Variants in PARN observed in about 807,000 individuals in gnomAD.
The protein encoded by PARN is poly(A)-specific ribonuclease.
A neutral mutation model predicts 102.8 loss-of-function variants in PARN; 71 were observed. That is an observed-to-expected ratio of 0.69 (90% CI 0.57 to 0.84). The LOEUF (loss-of-function observed/expected upper bound fraction) is 0.84, where lower values mean the gene tolerates loss of function less well. Among genes scored for constraint, PARN ranks in the 40% least tolerant of loss-of-function variants. PARN has a pLI of 0.00. For missense variants in PARN, 782 were observed against 760.9 expected (o/e 1.03, Z -0.33); for synonymous variants, 261 against 252.9 (o/e 1.03, Z -0.30).
chr16:14,586,819 C>A (rs1025211472), intron 13 of PARN, among the ~76,000 whole-genome samples: 1 of 152,160 alleles, frequency 6.6e-6, no homozygotes, highest in Non-Finnish European at 1.5e-5. Flanking sequence ...CTAGCTTAGA[C>A]CTTTCCTGAG....
At chr16:14,562,473 A>G (rs1968133285) in intron 18 of PARN, among the ~76,000 whole-genome samples, 1 of 151,508 alleles carries the variant, frequency 6.6e-6, no homozygotes, top group Non-Finnish European at 1.5e-5. Context: ...AAAAAAGAAA[A>G]ACATAAAACT....
At chr16:14,570,355 A>G (rs1968721544) in intron 18 of PARN, among the ~76,000 whole-genome samples, 2 of 150,114 alleles carry the variant, frequency 1.3e-5, no homozygotes, top group East Asian at 1.9e-4. Context: ...AAAAGAAAAG[A>G]AAAAGGAAAG....
intron 6 of PARN, among the ~76,000 whole-genome samples, chr16:14,616,685 G>C (rs1206716273): frequency 6.6e-6 from 1 of 152,004 alleles, no homozygotes; most frequent in South Asian, 2.1e-4. Flanking sequence ...TCAAGGCTCC[G>C]GTGAGCTATG....
intron 21 of PARN, among the ~76,000 whole-genome samples, chr16:14,489,131 C>T (rs995901771): frequency 6.6e-6 from 1 of 151,684 alleles, no homozygotes; most frequent in Non-Finnish European, 1.5e-5. Flanking sequence ...AGAGGGAGAA[C>T]AAAAAATAGC....
chr16:14,620,132 C>T (rs539472583), intron 5 of PARN, among the ~76,000 whole-genome samples: 1 of 148,228 alleles, frequency 6.7e-6, no homozygotes, highest in South Asian at 2.1e-4. Context: ...AATCCCAGCA[C>T]TTTGGGAGGC....
intron 21 of PARN, among the ~76,000 whole-genome samples, chr16:14,549,460 C>T (rs1395528478): frequency 6.6e-6 from 1 of 152,134 alleles, no homozygotes; most frequent in Non-Finnish European, 1.5e-5. Context: ...CAATAGAGTG[C>T]TTCTATGGCT....
At chr16:14,623,836 CAAA>C (rs1245560307) in intron 5 of PARN, among the ~76,000 whole-genome samples, 1 of 108,362 alleles carries the variant, frequency 9.2e-6, no homozygotes, top group Admixed American at 9.9e-5. Flanking sequence ...GGCTCCATCT[CAAA>C]AAAAAAAAAA....
chr16:14,553,562 G>A (rs2151707850), intron 20 of PARN, among the ~76,000 whole-genome samples: 1 of 152,198 alleles, frequency 6.6e-6, no homozygotes, highest in South Asian at 2.1e-4. Flanking sequence ...CAATCAGAAT[G>A]GTCTTCATAA....
intron 21 of PARN, among the ~76,000 whole-genome samples, chr16:14,534,814 T>C (rs1322488618): frequency 6.6e-6 from 1 of 151,794 alleles, no homozygotes; most frequent in Non-Finnish European, 1.5e-5. Context: ...GACTGCATAA[T>C]GTAAAGTTTC....
intron 21 of PARN, among the ~76,000 whole-genome samples, chr16:14,498,452 C>T (rs1964429641): frequency 6.6e-6 from 1 of 152,144 alleles, no homozygotes; most frequent in African/African-American, 2.4e-5. Flanking sequence ...CTGATGGTGC[C>T]AGGATGCTGC....
In PARN at chr16:14,584,421, T is replaced by A. The variant is rs182753748; in HGVS notation, c.1007A>T (p.Asp336Val). Residue 336 changes from aspartate (D) to valine (V), a missense_variant and splice_region_variant, in exon 16 of 24, where the codon GAT (aspartate) becomes GTT (valine). By Grantham distance (152) the Asp-to-Val change is radical. Transcript: ENST00000437198. ...KLMASTQPFK[D>V]IINNTSLAEL... Reference sequence around the variant, plus strand: ...CGCAAGGGATGTGTTGTTAATGATATCCTGCAAACCACGAAGCAAAGAATT... The same window carrying A: ...CGCAAGGGATGTGTTGTTAATGATAACCTGCAAACCACGAAGCAAAGAATT... The A allele has an allele frequency of 1.2e-6, 2 of 1,611,704 alleles. No individual in the cohort carries two copies. The highest frequency in any genetic ancestry group is 1.7e-6 in the Non-Finnish European group (2 of 1,178,248).
intron 21 of PARN, among the ~76,000 whole-genome samples, chr16:14,529,147 C>A (rs948423814): frequency 1.3e-5 from 2 of 152,204 alleles, no homozygotes; most frequent in Non-Finnish European, 2.9e-5. Context: ...CTCTGCCAGG[C>A]TTCTCCAGCT....
intron 11 of PARN, among the ~76,000 whole-genome samples, chr16:14,600,590 A>C (rs2151781069): frequency 6.6e-6 from 1 of 152,212 alleles, no homozygotes; most frequent in Non-Finnish European, 1.5e-5. Flanking sequence ...AGGTGTTCCC[A>C]GCCCTCTGGC....
rs1287757454 is a variant in PARN, at chr16:14,579,831, C to G, written c.1262+1043G>C. On this transcript the variant is annotated intron_variant, in intron 18 of 23. Transcript: ENST00000437198. ...TCTCTACTAAAAATATAAAGATTAG[C>G]CAGGTGTGGTGGTACATGCCTGTAG... Among the ~76,000 whole-genome samples, 3 of 151,908 alleles carry G rather than the reference C, an allele frequency of 2.0e-5. No individual in the cohort carries two copies. In the East Asian group the frequency reaches 5.8e-4, roughly 29 times the overall value.
At chr16:14,476,612 T>C (rs1430725957) in intron 22 of PARN, among the ~76,000 whole-genome samples, 1 of 152,162 alleles carries the variant, frequency 6.6e-6, no homozygotes, top group Non-Finnish European at 1.5e-5. Flanking sequence ...GGAGGATCAC[T>C]TGAAGCAAAG....
chr16:14,469,692 A>T (rs773583153), intron 22 of PARN, among the ~76,000 whole-genome samples: 27 of 148,242 alleles, frequency 1.8e-4, no homozygotes, highest in Admixed American at 8.9e-4. Context: ...CAGAATTTTT[A>T]AAAAGCATAA....
chr16:14,533,791 T>C (rs1056345962), intron 21 of PARN, among the ~76,000 whole-genome samples: 9 of 152,280 alleles, frequency 5.9e-5, no homozygotes, highest in Admixed American at 2.0e-4. Flanking sequence ...CTTCCCTTTA[T>C]CACAACACTC....
intron 21 of PARN, among the ~76,000 whole-genome samples, chr16:14,500,604 A>G (rs1244615622): frequency 1.3e-5 from 2 of 152,100 alleles, no homozygotes; most frequent in Non-Finnish European, 2.9e-5. Flanking sequence ...CTTTCCCTAG[A>G]AAAAAATATT....
intron 18 of PARN, among the ~76,000 whole-genome samples, chr16:14,575,181 A>T (rs1280503797): frequency 6.6e-6 from 1 of 152,222 alleles, no homozygotes; most frequent in Non-Finnish European, 1.5e-5. Flanking sequence ...GTGGGGTCAG[A>T]ACCCCCACAC....
Sources: allele counts gnomAD v4.1 joint callset (sites outside exome capture counted in the v4.1 genomes callset), GRCh38; gene constraint gnomAD v4.1.1; transcripts MANE v1.5; gene names NCBI Gene and HGNC (gene_info 2026-07-23, HGNC 2026-07-21).